The following KCNMA1 variants were observed in gnomAD, a reference collection of about 807,000 sequenced individuals.
KCNMA1 encodes the protein Calcium-activated potassium channel subunit alpha-1.
In KCNMA1, 29 loss-of-function variants were observed where a neutral mutation model predicts 140.0. The observed-to-expected ratio is 0.21, with a 90% CI of 0.15 to 0.28. The LOEUF (loss-of-function observed/expected upper bound fraction) is 0.28. Among genes scored for constraint, KCNMA1 ranks in the 10% least tolerant of loss-of-function variants. The probability of loss-of-function intolerance (pLI) is 1.00; values close to 1 mark genes in which losing one functional copy is unlikely to be tolerated. For missense variants in KCNMA1, 880 were observed against 1,602.2 expected, an observed-to-expected ratio of 0.55 and a Z score of 7.70; for synonymous variants, 612 against 611.9, an observed-to-expected ratio of 1.00 and a Z score of 0.00.
chr10:77,087,362 G>A (rs781649385), intron 10 of KCNMA1, among the ~76,000 whole-genome samples: 39 of 152,024 alleles, frequency 2.6e-4, no homozygotes, highest in Non-Finnish European at 5.0e-4. Context: ...TATAGATACC[G>A]ATATATATCT....
At chr10:77,153,603 C>T (rs570839154) in intron 5 of KCNMA1, among the ~76,000 whole-genome samples, 74 of 152,310 alleles carry the variant, frequency 4.9e-4, no homozygotes, top group African/African-American at 1.7e-3. Context: ...AACTCACAAG[C>T]TCAAGCACCT....
At chr10:77,593,411 A>G (rs2079835464) in intron 1 of KCNMA1, among the ~76,000 whole-genome samples, 1 of 152,240 alleles carries the variant, frequency 6.6e-6, no homozygotes, top group Non-Finnish European at 1.5e-5. Context: ...TAATGTATCA[A>G]ATGAAATTGT....
At chr10:77,259,721 A>G (rs1030513604) in intron 2 of KCNMA1, among the ~76,000 whole-genome samples, 1 of 152,194 alleles carries the variant, frequency 6.6e-6, no homozygotes, top group Non-Finnish European at 1.5e-5. Context: ...CCCATCCTTC[A>G]GAAATCAGCT....
At chr10:77,234,890 C>A (rs937568676) in intron 3 of KCNMA1, among the ~76,000 whole-genome samples, 3 of 152,188 alleles carry the variant, frequency 2.0e-5, no homozygotes, top group African/African-American at 7.2e-5. Flanking sequence ...GAGGAATTTT[C>A]TTCCTGTTCA....
At chr10:76,940,838 G>A (rs1591378356) in intron 23 of KCNMA1, among the ~76,000 whole-genome samples, 1 of 151,324 alleles carries the variant, frequency 6.6e-6, no homozygotes, top group Non-Finnish European at 1.5e-5. Context: ...GCACGCACCT[G>A]TAATCCCAGC....
chr10:77,279,639 T>A (rs2067781264), intron 2 of KCNMA1, among the ~76,000 whole-genome samples: 1 of 152,192 alleles, frequency 6.6e-6, no homozygotes, highest in South Asian at 2.1e-4. Context: ...CTACCAGGTG[T>A]CTTGATATGG....
At chr10:77,135,583 T>C (rs1257230210) in intron 5 of KCNMA1, among the ~76,000 whole-genome samples, 1 of 152,188 alleles carries the variant, frequency 6.6e-6, no homozygotes, top group East Asian at 1.9e-4. Flanking sequence ...AGCCAAGGTA[T>C]GAAATCAACC....
intron 2 of KCNMA1, among the ~76,000 whole-genome samples, chr10:77,331,998 A>C (rs2154366391): frequency 6.6e-6 from 1 of 152,304 alleles, no homozygotes; most frequent in African/African-American, 2.4e-5. Context: ...GATCCACTCA[A>C]GTCTACAAAT....
chr10:77,376,851 T>G (rs2095141567), intron 2 of KCNMA1, among the ~76,000 whole-genome samples: 1 of 151,992 alleles, frequency 6.6e-6, no homozygotes, highest in East Asian at 1.9e-4. Context: ...GGTGGGAGAA[T>G]CACTTGAACC....
chr10:77,217,459 T>C (rs933910354), intron 3 of KCNMA1: 3 of 456,392 alleles, frequency 6.6e-6, no homozygotes, highest in African/African-American at 6.0e-5. Flanking sequence ...CTGGTATGTA[T>C]TAAAGGAATA....
chr10:77,317,428 T>C (rs566409390), intron 2 of KCNMA1, among the ~76,000 whole-genome samples: 1 of 152,258 alleles, frequency 6.6e-6, no homozygotes, highest in South Asian at 2.1e-4. Context: ...TTCATTGAAG[T>C]GTTTAGAAGG....
intron 1 of KCNMA1, among the ~76,000 whole-genome samples, chr10:77,543,974 T>C (rs2060800506): frequency 6.6e-6 from 1 of 152,166 alleles, no homozygotes; most frequent in South Asian, 2.1e-4. Context: ...CTAAAAGATA[T>C]CCATTTCAAT....
At chr10:77,121,175 C>T in intron 5 of KCNMA1, 127 bp from the exon 6 acceptor site, 2 of 702,688 alleles carry the variant, frequency 2.8e-6, no homozygotes, top group Admixed American at 4.1e-5. Flanking sequence ...GATAAACCAG[C>T]TGGTACCTCA....
chr10:77,187,516 T>C (rs896174987), intron 3 of KCNMA1, among the ~76,000 whole-genome samples: 7 of 152,374 alleles, frequency 4.6e-5, no homozygotes, highest in South Asian at 2.1e-4. Flanking sequence ...TTTCATCATG[T>C]TTCATTATCA....
intron 19 of KCNMA1, among the ~76,000 whole-genome samples, chr10:76,981,630 C>T (rs531600898): frequency 7.9e-5 from 12 of 152,258 alleles, no homozygotes; most frequent in South Asian, 2.1e-4. Context: ...GCTCTCCCAC[C>T]ATGTCTTCCT....
At chr10:76,983,593 G>T (rs1233568619) in intron 19 of KCNMA1, among the ~76,000 whole-genome samples, 2 of 152,078 alleles carry the variant, frequency 1.3e-5, no homozygotes, top group African/African-American at 2.4e-5. Context: ...TGGGCATGGT[G>T]GCATATGCCT....
At chr10:77,169,754 A>G (rs1168224909) in intron 5 of KCNMA1, among the ~76,000 whole-genome samples, 1 of 152,184 alleles carries the variant, frequency 6.6e-6, no homozygotes. Context: ...TCAGGAAATA[A>G]TAAGCTAATT....
intron 1 of KCNMA1, among the ~76,000 whole-genome samples, chr10:77,461,266 C>T (rs1287579356): frequency 1.3e-5 from 2 of 150,986 alleles, no homozygotes; most frequent in Non-Finnish European, 2.9e-5. Context: ...CCTGGACCCT[C>T]CCTCTTTTCT....
intron 2 of KCNMA1, among the ~76,000 whole-genome samples, chr10:77,383,414 T>C (rs1215582951): frequency 3.3e-4 from 2 of 6,102 alleles, no homozygotes; most frequent in Admixed American, 1.4e-3. Flanking sequence ...ACCTCGAGAT[T>C]TTTTTTTTTT....
Sources: allele counts gnomAD v4.1 joint callset (sites outside exome capture counted in the v4.1 genomes callset), GRCh38; gene constraint gnomAD v4.1.1; transcripts MANE v1.5; gene names NCBI Gene and HGNC (gene_info 2026-07-23, HGNC 2026-07-21).